The following KCNAB2 variants were observed in gnomAD, a reference collection of about 807,000 sequenced individuals.
KCNAB2 encodes voltage-gated potassium channel subunit beta-2.
A neutral mutation model predicts 63.6 loss-of-function variants in KCNAB2; 29 were observed. The observed-to-expected ratio is 0.46, with a 90% confidence interval of 0.34 to 0.62. The LOEUF (loss-of-function observed/expected upper bound fraction) is 0.62, where lower values mean the gene tolerates loss of function less well. KCNAB2 is among the 20% of genes least tolerant of loss of function. The probability of loss-of-function intolerance (pLI) is 0.01; values close to 1 mark genes in which losing one functional copy is unlikely to be tolerated. For synonymous variants in KCNAB2, 222 were observed against 224.2 expected, an observed-to-expected ratio of 0.99 and a Z score of 0.09; for missense variants, 359 against 563.9, an observed-to-expected ratio of 0.64 and a Z score of 3.68.
chr1:6,042,846 C>G (rs1438839703), upstream of KCNAB2, among the ~76,000 whole-genome samples: 2 of 92,940 alleles, frequency 2.2e-5, no homozygotes, highest in Non-Finnish European at 4.5e-5. Flanking sequence ...ACTCCCCACC[C>G]CCCCCCCCGT....
At position 6,073,249 on chromosome 1, in the gene KCNAB2, A is replaced by G. The variant is rs1274489570; in HGVS notation, c.262+451A>G. ...TGTGCAGTCCCCACCTCCCCTCTGC[A>G]TGCAGTACACACACCCCCACACACA... On this transcript the variant is annotated intron_variant, in intron 3 of 15. Transcript: ENST00000378083. This position sits in a 1 kb window ranked among gnomAD's most constrained non-coding sequence, Gnocchi z 5.7. Among the ~76,000 whole-genome samples, 1 of 151,634 alleles carries G rather than the reference A, an allele frequency of 6.6e-6. No individual in the cohort carries two copies. Among genetic ancestry groups the G allele is most frequent in the Non-Finnish European group, 1.5e-5 (1 of 67,924 alleles).
intron 2 of KCNAB2, among the ~76,000 whole-genome samples, chr1:6,055,695 G>A (rs1365846140): frequency 6.6e-6 from 1 of 151,822 alleles, no homozygotes; most frequent in Admixed American, 6.6e-5. Context: ...AGAGGTTGTT[G>A]TTACACCCAG....
chr1:6,009,258 GC>G (rs1658004648), intron 1 of KCNAB2, among the ~76,000 whole-genome samples: 1 of 152,238 alleles, frequency 6.6e-6, no homozygotes. Context: ...GCGGCAGGAG[GC>G]CCGCCTGGTA....
intron 2 of KCNAB2, among the ~76,000 whole-genome samples, chr1:6,064,005 G>A (rs1418502076): frequency 6.6e-6 from 1 of 152,218 alleles, no homozygotes; most frequent in Non-Finnish European, 1.5e-5. Context: ...GTGCACCACT[G>A]GGGTAAGAAC....
rs376117372 is a variant in KCNAB2, at chr1:6,002,911, TGCTCTG to T, written c.-53+10132_-53+10137del. Among the ~76,000 whole-genome samples, 832 of 152,304 alleles carry T rather than the reference TGCTCTG, an allele frequency of 5.5e-3. 8 individuals are homozygous for T. Among genetic ancestry groups the T allele is most frequent in the African/African-American group, 0.018 (742 of 41,562 alleles). On this transcript the variant is annotated intron_variant, in intron 1 of 16. Coordinates refer to the KCNAB2 transcript ENST00000341524. ...TGGCAGCTGCCCTGTGTTGCAGATT[TGCTCTG>T]GCTCTGGCCCCCTGCTTCGTCCCCT... is the stretch of plus-strand genomic sequence containing the variant.
intron 6 of KCNAB2, chr1:6,085,794 G>C (rs1053291144): frequency 2.1e-6 from 2 of 969,972 alleles, no homozygotes; most frequent in Non-Finnish European, 2.5e-6. Context: ...CTGTAAGAGG[G>C]TGTGTGTGGG....
At chr1:6,089,353 C>T (rs1435949545) in intron 8 of KCNAB2, among the ~76,000 whole-genome samples, 2 of 152,228 alleles carry the variant, frequency 1.3e-5, no homozygotes, top group Non-Finnish European at 2.9e-5. Context: ...ATGCCTCTGC[C>T]ACAGTATCTG....
At chr1:6,009,325 G>C (rs1658009240) in intron 1 of KCNAB2, among the ~76,000 whole-genome samples, 1 of 152,218 alleles carries the variant, frequency 6.6e-6, no homozygotes, top group Non-Finnish European at 1.5e-5. Context: ...CAGATCGCTG[G>C]GTACATGAGC....
At position 6,098,771 on chromosome 1, in the gene KCNAB2, G is replaced by A. The variant is rs1665850843; in HGVS notation, c.*197G>A. ...CTTCGCCGGACAATGTCGAAGTCCA[G>A]TCTGTGCCGGGGAAGGCACTGGTTA... On this transcript the variant is annotated 3_prime_UTR_variant, in exon 16 of 16. Coordinates refer to ENST00000378083, the MANE Select transcript of KCNAB2 (RefSeq NM_001199862.2). 15 of 659,490 alleles carry A rather than the reference G, an allele frequency of 2.3e-5. 1 individual carries two copies. In the South Asian group the frequency reaches 2.3e-4, roughly 10 times the overall value. 40.9% of individuals were successfully genotyped at this position (659,490 alleles called of 1,614,324 possible).
At chr1:6,029,377 AG>A (rs1659432606), upstream of KCNAB2, among the ~76,000 whole-genome samples, 1 of 152,086 alleles carries the variant, frequency 6.6e-6, no homozygotes, top group Non-Finnish European at 1.5e-5. Context: ...CCAGTAGAGC[AG>A]GTGTTGTAAC....
chr1:6,042,727 G>A (rs1660594156), upstream of KCNAB2, among the ~76,000 whole-genome samples: 1 of 152,130 alleles, frequency 6.6e-6, no homozygotes, highest in Non-Finnish European at 1.5e-5. Flanking sequence ...CTCTCTATTC[G>A]GACCCGGACA....
intron 5 of KCNAB2, among the ~76,000 whole-genome samples, chr1:6,084,555 C>T (rs558402671): frequency 6.6e-6 from 1 of 152,244 alleles, no homozygotes; most frequent in African/African-American, 2.4e-5. Context: ...GTGGCTCACG[C>T]CTGGAATCCC....
At position 6,094,493 on chromosome 1, in the gene KCNAB2, G is replaced by A. The variant is rs757042376; in HGVS notation, c.732+8G>A. Reference sequence around the variant, plus strand: ...AGCTCCATGGAGATCATGGTACGGTGGCCGCGCAGCATGTGTGTGTCCAGG... The same window carrying A: ...AGCTCCATGGAGATCATGGTACGGTAGCCGCGCAGCATGTGTGTGTCCAGG... On this transcript the variant is annotated splice_region_variant and intron_variant, in intron 11 of 15. Coordinates refer to ENST00000378083, the MANE Select transcript of KCNAB2 (RefSeq NM_001199862.2). 1 of 1,604,308 alleles carries A rather than the reference G, an allele frequency of 6.2e-7. No individual in the cohort carries two copies. Among genetic ancestry groups the A allele is most frequent in the East Asian group, 2.2e-5 (1 of 44,606 alleles).
chr1:6,081,533 C>T (rs758046147), intron 4 of KCNAB2, among the ~76,000 whole-genome samples: 4 of 152,244 alleles, frequency 2.6e-5, no homozygotes, highest in African/African-American at 4.8e-5. Flanking sequence ...AAACAACAGA[C>T]ACCGTTCTGT....
intron 10 of KCNAB2, among the ~76,000 whole-genome samples, chr1:6,093,041 G>A (rs1571100187): frequency 6.6e-6 from 1 of 152,368 alleles, no homozygotes. Flanking sequence ...TGGACGGGAA[G>A]CCAGCACTGC....
At position 6,097,148 on chromosome 1, in the gene KCNAB2, A is replaced by G. The variant is rs1183721562; in HGVS notation, c.1070-121A>G. 10 of 1,157,234 alleles carry G rather than the reference A, an allele frequency of 8.6e-6. No individual in the cohort carries two copies. The African/African-American group carries it at 1.4e-4, about 16-fold the overall frequency. 71.7% of individuals were successfully genotyped at this position (1,157,234 alleles called of 1,614,324 possible). A position where few individuals can be genotyped will look rare whatever the true frequency, so the allele number is the denominator to read the frequency against. ...CGTGCCCAGCACTGCAGGGCTTCCTAGACCCCCTCAGACCCCCAGACCAAG... is the reference window on the plus strand; with the variant it reads ...CGTGCCCAGCACTGCAGGGCTTCCTGGACCCCCTCAGACCCCCAGACCAAG... On this transcript the variant is annotated intron_variant, in intron 14 of 15. Coordinates refer to ENST00000378083, the MANE Select transcript of KCNAB2 (RefSeq NM_001199862.2).
At chr1:6,052,642 C>T (rs555659925) in intron 2 of KCNAB2, among the ~76,000 whole-genome samples, 5 of 152,292 alleles carry the variant, frequency 3.3e-5, no homozygotes, top group East Asian at 1.9e-4. Context: ...AGCCACCGTT[C>T]TCTGGCTGGT....
chr1:6,040,491 C>T, intron 1 of KCNAB2: 1 of 1,231,944 alleles, frequency 8.1e-7, no homozygotes, highest in Non-Finnish European at 1.2e-6. Flanking sequence ...ACCCTCTTCC[C>T]CTCCCTTATT....
chr1:5,992,703 C>T (rs748524557), upstream of KCNAB2: 1 of 152,326 alleles, frequency 6.6e-6, no homozygotes, highest in Non-Finnish European at 1.5e-5. Flanking sequence ...CAGGAGCTAG[C>T]GGGATTCGGG....
Sources: allele counts gnomAD v4.1 joint callset (sites outside exome capture counted in the v4.1 genomes callset), GRCh38; gene constraint gnomAD v4.1.1; non-coding constraint Gnocchi (gnomAD v3.1); transcripts MANE v1.5; gene names NCBI Gene and HGNC (gene_info 2026-07-23, HGNC 2026-07-21).